The following PLXDC2 variants were observed in gnomAD, a reference collection of about 807,000 sequenced individuals.
The protein encoded by PLXDC2 is plexin domain containing 2, also known as plexin domain-containing protein 2.
Under a neutral mutation model 68.9 loss-of-function variants are expected in PLXDC2, and 40 were observed. The observed-to-expected ratio is 0.58, with a 90% CI of 0.45 to 0.76. The LOEUF is 0.76. Among genes scored for constraint, PLXDC2 ranks in the 30% least tolerant of loss-of-function variants. PLXDC2 has a pLI of 0.00. For missense variants in PLXDC2, 644 were observed against 661.9 expected, an observed-to-expected ratio of 0.97 and a Z score of 0.30; for synonymous variants, 243 against 234.2, an observed-to-expected ratio of 1.04 and a Z score of -0.34.
intron 1 of PLXDC2, among the ~76,000 whole-genome samples, chr10:19,851,810 A>T (rs1226483584): frequency 6.6e-6 from 1 of 152,186 alleles, no homozygotes; most frequent in Non-Finnish European, 1.5e-5. Context: ...GGCCTCCCAA[A>T]GTGCTGGGAT....
chr10:19,897,567 G>A (rs1004036386), intron 1 of PLXDC2, among the ~76,000 whole-genome samples: 5 of 152,078 alleles, frequency 3.3e-5, no homozygotes, highest in Non-Finnish European at 1.5e-5. Flanking sequence ...TAGTCAAGAG[G>A]GAATTAGGAA....
At chr10:20,247,906 C>T (rs1383481603) in intron 13 of PLXDC2, among the ~76,000 whole-genome samples, 2 of 152,142 alleles carry the variant, frequency 1.3e-5, no homozygotes, top group African/African-American at 2.4e-5. Flanking sequence ...GATATTATCA[C>T]GCATTGCCTT....
intron 9 of PLXDC2, among the ~76,000 whole-genome samples, chr10:20,209,262 T>C (rs539134493): frequency 6.6e-6 from 1 of 152,144 alleles, no homozygotes; most frequent in African/African-American, 2.4e-5. Context: ...CGGCCGCCCC[T>C]GAAGCGGCCA....
rs1337945082 is a variant in PLXDC2, at chr10:20,286,181, A to G, written c.*6362A>G. The stretch of plus-strand genomic sequence containing the variant: ...TGCCTGGAGGAGCAAAATGCTCAAA[A>G]CTTGTTATTATAGGTTAATTTCCAG... On this transcript the variant is annotated 3_prime_UTR_variant, in exon 14 of 14. Coordinates refer to ENST00000377252, the MANE Select transcript of PLXDC2 (RefSeq NM_032812.9). 6.6e-6 allele frequency: 1 copy of G among 152,138 alleles called. No individual in the cohort carries two copies. The highest frequency in any genetic ancestry group is 1.9e-4 in the East Asian group (1 of 5,198). The allele number at this position is 152,138 out of a possible 1,614,324, so 9.4% of individuals were successfully genotyped here. A position where few individuals can be genotyped will look rare whatever the true frequency, so the allele number is the denominator to read the frequency against.
rs192743255 is a variant in PLXDC2 at position 20,012,015 on chromosome 10, G to T, written c.324+10029G>T. On this transcript the variant is annotated intron_variant, in intron 2 of 13. Coordinates refer to ENST00000377252, the MANE Select transcript of PLXDC2 (RefSeq NM_032812.9). ...TTCTGTAATTGTATGGTGGCAACCAGAATTTTCTATGAACCTTCCCCAAAA... is the reference window on the plus strand; with the variant it reads ...TTCTGTAATTGTATGGTGGCAACCATAATTTTCTATGAACCTTCCCCAAAA... Among the ~76,000 whole-genome samples, 833 of 152,204 alleles carry T rather than the reference G, an allele frequency of 5.5e-3. 3 individuals carry two copies. Among genetic ancestry groups the T allele is most frequent in the Admixed American group, 8.4e-3 (129 of 15,290 alleles).
chr10:19,932,318 TTGGCACACATG>T (rs1158530013), intron 1 of PLXDC2, among the ~76,000 whole-genome samples: 1 of 152,236 alleles, frequency 6.6e-6, no homozygotes, highest in Non-Finnish European at 1.5e-5. Flanking sequence ...TTCTTTTCTC[TTGGCACACATG>T]TGGCTTTTCT....
intron 1 of PLXDC2, among the ~76,000 whole-genome samples, chr10:19,832,430 C>T (rs1292163019): frequency 6.6e-6 from 1 of 152,182 alleles, no homozygotes; most frequent in African/African-American, 2.4e-5. Context: ...AATTGAAAAC[C>T]TAGCCATTAT....
chr10:20,079,882 A>G (rs945044400), intron 4 of PLXDC2, among the ~76,000 whole-genome samples: 1 of 152,216 alleles, frequency 6.6e-6, no homozygotes, highest in Non-Finnish European at 1.5e-5. Context: ...GCAAACCACC[A>G]TGGCACATGT....
intron 3 of PLXDC2, among the ~76,000 whole-genome samples, chr10:20,052,433 CA>C (rs1176611254): frequency 6.6e-6 from 1 of 151,334 alleles, no homozygotes; most frequent in Non-Finnish European, 1.5e-5. Context: ...ATATTGTGAC[CA>C]GGGGGCTGAG....
intron 1 of PLXDC2, among the ~76,000 whole-genome samples, chr10:19,894,848 C>G (rs1443500910): frequency 2.6e-5 from 4 of 152,086 alleles, no homozygotes; most frequent in African/African-American, 9.7e-5. Flanking sequence ...ATTAGTTCAA[C>G]CATTGTGGAA....
chr10:20,164,930 C>G (rs889121732), intron 7 of PLXDC2, among the ~76,000 whole-genome samples: 2 of 152,148 alleles, frequency 1.3e-5, no homozygotes, highest in African/African-American at 4.8e-5. Flanking sequence ...ATCCTCCTAC[C>G]TCAGTATCCT....
At chr10:19,971,894 GT>G (rs1487260690) in intron 1 of PLXDC2, among the ~76,000 whole-genome samples, 2 of 152,098 alleles carry the variant, frequency 1.3e-5, no homozygotes, top group Non-Finnish European at 2.9e-5. Context: ...GAAAGTTCTT[GT>G]GAATGTGTAA....
At chr10:19,916,922 A>G (rs75727270) in intron 1 of PLXDC2, among the ~76,000 whole-genome samples, 690 of 152,358 alleles carry the variant, frequency 4.5e-3, no homozygotes, top group Non-Finnish European at 8.3e-3. Context: ...TTTTGTAGCA[A>G]CAGTGGTTAA....
At chr10:19,900,538 C>A (rs1838140484) in intron 1 of PLXDC2, among the ~76,000 whole-genome samples, 1 of 152,076 alleles carries the variant, frequency 6.6e-6, no homozygotes, top group African/African-American at 2.4e-5. Context: ...AAGTTTTTAT[C>A]AACATCCACA....
chr10:20,226,574 A>G (rs896015525), intron 12 of PLXDC2, among the ~76,000 whole-genome samples: 3 of 152,246 alleles, frequency 2.0e-5, no homozygotes, highest in Admixed American at 6.5e-5. Context: ...GTTGTCCAGC[A>G]TAGGAAAATA....
chr10:20,211,913 A>G (rs964789435), intron 10 of PLXDC2, among the ~76,000 whole-genome samples, 184 bp downstream of exon 10: 2 of 152,146 alleles, frequency 1.3e-5, no homozygotes, highest in African/African-American at 2.4e-5. Context: ...TTGTTAAATT[A>G]GATAACATTT....
At chr10:20,128,436 T>G (rs1251538313) in intron 4 of PLXDC2, among the ~76,000 whole-genome samples, 1 of 152,212 alleles carries the variant, frequency 6.6e-6, no homozygotes, top group South Asian at 2.1e-4. Flanking sequence ...GATATACATA[T>G]ACATTGTGAA....
At chr10:20,222,879 A>G (rs1415883501) in intron 12 of PLXDC2, among the ~76,000 whole-genome samples, 2 of 152,214 alleles carry the variant, frequency 1.3e-5, no homozygotes, top group Admixed American at 1.3e-4. Flanking sequence ...ACATCATTTT[A>G]TCTCCAACTG....
chr10:19,847,083 C>T (rs1837023164), intron 1 of PLXDC2, among the ~76,000 whole-genome samples: 1 of 152,104 alleles, frequency 6.6e-6, no homozygotes, highest in African/African-American at 2.4e-5. Context: ...TCCCACAACA[C>T]TTGGGTATTA....
Sources: gnomAD v4.1 joint callset for allele counts (sites outside exome capture counted in the v4.1 genomes callset) on GRCh38, gnomAD v4.1.1 for gene constraint, MANE v1.5 for transcripts, NCBI Gene and HGNC (gene_info 2026-07-23, HGNC 2026-07-21) for gene names.